Variants in ZNF385D observed in about 807,000 individuals in gnomAD.
ZNF385D encodes the protein zinc finger protein 659.
A neutral mutation model predicts 35.8 loss-of-function variants in ZNF385D; 15 were observed. The ratio of observed to expected loss-of-function variants is 0.42; its 90% CI spans 0.28 to 0.64. ZNF385D has a LOEUF of 0.64. Ranked by LOEUF, ZNF385D falls within the 30% of genes least tolerant of loss-of-function variation. The pLI is 0.23. For synonymous variants in ZNF385D, 212 were observed against 186.8 expected (o/e 1.13, Z -1.10); for missense variants, 474 against 494.6 (o/e 0.96, Z 0.39).
chr3:22,167,413 A>C (rs1706406919), intron 3 of ZNF385D, among the ~76,000 whole-genome samples: 1 of 152,160 alleles, frequency 6.6e-6, no homozygotes, highest in Non-Finnish European at 1.5e-5. Flanking sequence ...GTGGAGGACC[A>C]CCCACGCATC....
At chr3:22,225,760 C>T (rs948475086) in intron 2 of ZNF385D, among the ~76,000 whole-genome samples, 2 of 152,086 alleles carry the variant, frequency 1.3e-5, no homozygotes, top group Non-Finnish European at 2.9e-5. Flanking sequence ...CTAAGCAAAC[C>T]CAAACTAAGT....
At chr3:21,982,134 G>A (rs1315992249) in intron 3 of ZNF385D, among the ~76,000 whole-genome samples, 1 of 147,978 alleles carries the variant, frequency 6.8e-6, no homozygotes, top group Non-Finnish European at 1.5e-5. Flanking sequence ...TTTGATAGGA[G>A]TAGCCCTGAA....
chr3:22,185,251 A>C (rs1015783133), intron 2 of ZNF385D, among the ~76,000 whole-genome samples: 1 of 152,196 alleles, frequency 6.6e-6, no homozygotes, highest in East Asian at 1.9e-4. Context: ...CTAAGAGAAC[A>C]TTTGAGCCAA....
chr3:21,444,148 C>T (rs1433196367), intron 4 of ZNF385D, among the ~76,000 whole-genome samples: 7 of 146,282 alleles, frequency 4.8e-5, no homozygotes, highest in Non-Finnish European at 7.4e-5. Flanking sequence ...TGCACAATCT[C>T]GGCCCACTGC....
At chr3:21,818,536 C>T (rs2073257950) in intron 3 of ZNF385D, among the ~76,000 whole-genome samples, 2 of 152,090 alleles carry the variant, frequency 1.3e-5, no homozygotes, top group South Asian at 4.1e-4. Context: ...AAGCCTATTT[C>T]TCAGAGAGAT....
chr3:21,922,706 A>G (rs947034440), intron 3 of ZNF385D, among the ~76,000 whole-genome samples: 3 of 152,192 alleles, frequency 2.0e-5, no homozygotes, highest in Non-Finnish European at 4.4e-5. Flanking sequence ...CCTAGGAAAC[A>G]CCATCCAGGA....
intron 2 of ZNF385D, among the ~76,000 whole-genome samples, chr3:21,602,638 T>G (rs1011542684): frequency 4.1e-4 from 61 of 147,530 alleles, no homozygotes; most frequent in African/African-American, 1.4e-3. Context: ...GTTCACGCCA[T>G]TCTCCTGCCT....
At chr3:21,697,775 A>G (rs950037475) in intron 1 of ZNF385D, among the ~76,000 whole-genome samples, 1 of 152,116 alleles carries the variant, frequency 6.6e-6, no homozygotes, top group Non-Finnish European at 1.5e-5. Context: ...AAATGAATAG[A>G]AAGTGAACAA....
chr3:21,573,693 A>G (rs2063402248), intron 2 of ZNF385D, among the ~76,000 whole-genome samples: 1 of 149,518 alleles, frequency 6.7e-6, no homozygotes, highest in African/African-American at 2.5e-5. Context: ...TATGGCATCA[A>G]ACACTTAAGA....
intron 2 of ZNF385D, among the ~76,000 whole-genome samples, chr3:21,574,059 T>C (rs1288011134): frequency 5.9e-5 from 1 of 16,894 alleles, no homozygotes; most frequent in African/African-American, 4.3e-4. Context: ...AAACTCCGTC[T>C]CAAAAAAAAA....
At chr3:22,291,453 TTC>T (rs1364129965) in intron 2 of ZNF385D, among the ~76,000 whole-genome samples, 1 of 152,054 alleles carries the variant, frequency 6.6e-6, no homozygotes, top group African/African-American at 2.4e-5. Context: ...TGGAAAAATT[TTC>T]TGTTTAATTT....
At chr3:21,923,114 A>G (rs915424632) in intron 3 of ZNF385D, among the ~76,000 whole-genome samples, 1 of 152,128 alleles carries the variant, frequency 6.6e-6, no homozygotes, top group African/African-American at 2.4e-5. Context: ...CACATGTGCC[A>G]TGTTGGTGTG....
At chr3:21,804,730 TTTAC>T (rs1240152565) in intron 3 of ZNF385D, among the ~76,000 whole-genome samples, 9 of 152,050 alleles carry the variant, frequency 5.9e-5, no homozygotes, top group African/African-American at 2.2e-4. Flanking sequence ...ACTTACATTA[TTTAC>T]TTAATTTTAC....
chr3:22,099,683 C>T (rs1333780485), intron 3 of ZNF385D, among the ~76,000 whole-genome samples: 1 of 151,892 alleles, frequency 6.6e-6, no homozygotes, highest in Non-Finnish European at 1.5e-5. Context: ...CCTGGACTTG[C>T]AGCAGACCCT....
At chr3:21,516,701 A>G (rs1707589205) in intron 3 of ZNF385D, among the ~76,000 whole-genome samples, 2 of 152,106 alleles carry the variant, frequency 1.3e-5, no homozygotes, top group South Asian at 2.1e-4. Flanking sequence ...GGGGTTTACT[A>G]ATTTCTCTGG....
intron 2 of ZNF385D, among the ~76,000 whole-genome samples, chr3:22,260,038 A>G (rs1396864157): frequency 6.6e-6 from 1 of 152,056 alleles, no homozygotes; most frequent in Non-Finnish European, 1.5e-5. Flanking sequence ...TGCATATAGT[A>G]TACTAATAAT....
At chr3:21,844,446 T>C (rs1695873651) in intron 3 of ZNF385D, among the ~76,000 whole-genome samples, 1 of 151,376 alleles carries the variant, frequency 6.6e-6, no homozygotes, top group East Asian at 1.9e-4. Flanking sequence ...GGGATTTTGA[T>C]AGGCAACCTG....
At chr3:21,926,324 C>T (rs1231765804) in intron 3 of ZNF385D, among the ~76,000 whole-genome samples, 1 of 151,988 alleles carries the variant, frequency 6.6e-6, no homozygotes, top group Non-Finnish European at 1.5e-5. Flanking sequence ...TGATGCTCCC[C>T]TCCCTGTGTC....
rs1337748322 is a variant in ZNF385D at position 21,911,472 on chromosome 3, G to A, written c.326-246444C>T. On this transcript the variant is annotated intron_variant, in intron 3 of 5. Transcript: ENST00000494108. ...CCATCTATTAGATATGTGACTCTAG[G>A]TAAGTTATACAAATTCTAAAGGTTT... Among the ~76,000 whole-genome samples, 3 of 151,834 alleles carry A rather than the reference G, an allele frequency of 2.0e-5. No homozygotes were observed. In the East Asian group the frequency reaches 5.8e-4, roughly 29 times the overall value.
Sources: gnomAD v4.1 joint callset for allele counts (sites outside exome capture counted in the v4.1 genomes callset) on GRCh38, gnomAD v4.1.1 for gene constraint, MANE v1.5 for transcripts, NCBI Gene and HGNC (gene_info 2026-07-23, HGNC 2026-07-21) for gene names.